Variants in FHIT observed in about 807,000 individuals in gnomAD.
The protein encoded by FHIT is bis(5'-adenosyl)-triphosphatase.
FHIT carries 19 observed loss-of-function variants against 17.9 expected under a neutral mutation model. That is an observed-to-expected ratio of 1.06 (90% CI 0.74 to 1.56). FHIT has a LOEUF of 1.56. Ranked by LOEUF, FHIT falls within the 40% of genes most tolerant of loss-of-function variation. The pLI is 0.00. For synonymous variants in FHIT, 81 were observed against 69.7 expected, an observed-to-expected ratio of 1.16 and a Z score of -0.81; for missense variants, 248 against 189.2, an observed-to-expected ratio of 1.31 and a Z score of -1.82.
At chr3:60,019,838 C>G (rs1017332429) in intron 5 of FHIT, among the ~76,000 whole-genome samples, 2 of 152,204 alleles carry the variant, frequency 1.3e-5, no homozygotes, top group Non-Finnish European at 2.9e-5. Context: ...GGGATTGGAG[C>G]TCAACTGGTG....
At chr3:60,842,478 G>C (rs1334836801) in intron 3 of FHIT, among the ~76,000 whole-genome samples, 1 of 151,388 alleles carries the variant, frequency 6.6e-6, no homozygotes, top group Non-Finnish European at 1.5e-5. Flanking sequence ...GGCAGCCAAG[G>C]ACCCATAGGC....
Position 60,796,647 on chromosome 3 carries a change from A to G in FHIT, c.-18+25272T>C, listed in dbSNP as rs145783275. 5.9e-5 allele frequency among the ~76,000 whole-genome samples: 9 copies of G among 152,294 alleles called. No homozygotes were observed. In the East Asian group the frequency reaches 1.4e-3, roughly 23 times the overall value. On this transcript the variant is annotated intron_variant, in intron 4 of 9. Transcript: ENST00000492590. ...CCCCAGGCTGGAGTGCAGTGGCACA[A>G]GCTTGGCTCACTGCAACCTCTGCTT... is the stretch of plus-strand genomic sequence containing the variant.
rs2038854477 is a variant in FHIT, at chr3:60,613,675, A to T, written c.-17-76696T>A. ...TTTAACTTCCATTTCTTTCTTTTTCAGTCATTCCTACATTTCCCTTTTTCT... is the reference window on the plus strand; with the variant it reads ...TTTAACTTCCATTTCTTTCTTTTTCTGTCATTCCTACATTTCCCTTTTTCT... On this transcript the variant is annotated intron_variant, in intron 4 of 9. Coordinates refer to ENST00000492590, the MANE Select transcript of FHIT (RefSeq NM_002012.4). 2.0e-5 allele frequency among the ~76,000 whole-genome samples: 3 copies of T among 151,084 alleles called. 1 individual carries two copies. The South Asian group carries it at 6.3e-4, about 32-fold the overall frequency.
At chr3:60,227,862 A>G (rs1302751737) in intron 5 of FHIT, among the ~76,000 whole-genome samples, 1 of 152,162 alleles carries the variant, frequency 6.6e-6, no homozygotes, top group East Asian at 1.9e-4. Context: ...TTTGGGGTTA[A>G]TTATTGTTTT....
intron 3 of FHIT, among the ~76,000 whole-genome samples, chr3:60,968,841 C>G (rs769202346): frequency 1.3e-5 from 2 of 152,118 alleles, no homozygotes; most frequent in East Asian, 3.8e-4. Context: ...GATATGGTTT[C>G]TCAGTTTTAC....
chr3:59,751,493 A>G (rs1700897278), intron 9 of FHIT: 1 of 211,210 alleles, frequency 4.7e-6, no homozygotes. Flanking sequence ...GAGGGATAAT[A>G]TAGATTGCCA....
chr3:59,754,815 T>C (rs979358202), intron 8 of FHIT, among the ~76,000 whole-genome samples: 4 of 152,216 alleles, frequency 2.6e-5, no homozygotes, highest in South Asian at 2.1e-4. Context: ...AAAACTCTGT[T>C]GTACCTAGCT....
chr3:60,371,419 G>A (rs776977769), intron 5 of FHIT, among the ~76,000 whole-genome samples: 5 of 151,280 alleles, frequency 3.3e-5, no homozygotes, highest in African/African-American at 7.3e-5. Context: ...ATTCACAGGC[G>A]ACATCATAAC....
intron 1 of FHIT, among the ~76,000 whole-genome samples, chr3:61,212,952 T>C (rs909395057): frequency 6.6e-6 from 1 of 152,150 alleles, no homozygotes; most frequent in African/African-American, 2.4e-5. Flanking sequence ...GACAAGCAAA[T>C]GCTGAGAGAT....
intron 7 of FHIT, among the ~76,000 whole-genome samples, chr3:59,947,504 T>C (rs1364550573): frequency 6.6e-5 from 10 of 152,328 alleles, no homozygotes; most frequent in Admixed American, 6.5e-4. Context: ...ATGTCTTAAT[T>C]TCATTCAGTT....
intron 1 of FHIT, among the ~76,000 whole-genome samples, chr3:61,229,102 G>A (rs2040038233): frequency 1.3e-5 from 2 of 152,094 alleles, no homozygotes; most frequent in Non-Finnish European, 1.5e-5. Context: ...ATATGTCTGT[G>A]TCAAATCCCT....
chr3:60,602,807 A>C (rs2107715813), intron 4 of FHIT, among the ~76,000 whole-genome samples: 1 of 152,244 alleles, frequency 6.6e-6, no homozygotes, highest in South Asian at 2.1e-4. Context: ...CATGACTGGG[A>C]TTAGTGCCTG....
chr3:60,487,833 C>T (rs1191427617), intron 5 of FHIT, among the ~76,000 whole-genome samples: 3 of 152,118 alleles, frequency 2.0e-5, no homozygotes, highest in Admixed American at 6.6e-5. Context: ...CTCCTAATTC[C>T]GTCTATCCTA....
intron 5 of FHIT, among the ~76,000 whole-genome samples, chr3:60,167,708 G>T (rs1263928755): frequency 6.6e-6 from 1 of 152,176 alleles, no homozygotes; most frequent in Non-Finnish European, 1.5e-5. Flanking sequence ...GAATTGCTCA[G>T]AATCTAGCTT....
chr3:59,996,226 T>A (rs1699505955), intron 7 of FHIT, among the ~76,000 whole-genome samples: 1 of 152,088 alleles, frequency 6.6e-6, no homozygotes. Context: ...AGGAAACACA[T>A]GCAAATAGCT....
At chr3:59,944,514 CTTTTT>C (rs5849312) in intron 7 of FHIT, among the ~76,000 whole-genome samples, 1 of 150,088 alleles carries the variant, frequency 6.7e-6, no homozygotes, top group African/African-American at 2.4e-5. Flanking sequence ...ACATTTTTTT[CTTTTT>C]TTTTTATTTA....
At chr3:61,034,159 C>G (rs2033135217) in intron 3 of FHIT, among the ~76,000 whole-genome samples, 1 of 152,078 alleles carries the variant, frequency 6.6e-6, no homozygotes, top group South Asian at 2.1e-4. Flanking sequence ...AACTGTAAAA[C>G]TCTTTGAAGA....
chr3:60,473,212 C>G (rs1042752289), intron 5 of FHIT, among the ~76,000 whole-genome samples: 1 of 152,136 alleles, frequency 6.6e-6, no homozygotes, highest in Non-Finnish European at 1.5e-5. Flanking sequence ...TATGAACCAA[C>G]GCTGAAAACT....
At position 60,337,320 on chromosome 3, in the gene FHIT, T is replaced by C. The variant is rs9832961; in HGVS notation, c.103+199540A>G. ...AACAGTTAAATAATGGTTAAAAGCC[T>C]GCTTCTGGAATCTGAAAAACTCGGT... is the stretch of plus-strand genomic sequence containing the variant. On this transcript the variant is annotated intron_variant, in intron 5 of 9. Transcript: ENST00000492590. 2.9e-3 allele frequency among the ~76,000 whole-genome samples: 446 copies of C among 152,284 alleles called. 3 individuals are homozygous for C. The highest frequency in any genetic ancestry group is 0.01 in the African/African-American group (428 of 41,582).
Sources: gnomAD v4.1 joint callset for allele counts (sites outside exome capture counted in the v4.1 genomes callset) on GRCh38, gnomAD v4.1.1 for gene constraint, MANE v1.5 for transcripts, NCBI Gene and HGNC (gene_info 2026-07-23, HGNC 2026-07-21) for gene names.